EYS: variants seen among roughly 807,000 people sequenced by gnomAD.
EYS encodes the protein protein eyes shut homolog.
In EYS, 250 loss-of-function variants were observed where a neutral mutation model predicts 282.1. That is an observed-to-expected ratio of 0.89 (90% CI 0.80 to 0.98). The LOEUF (loss-of-function observed/expected upper bound fraction) is 0.98. Among genes scored for constraint, EYS ranks in the 50% least tolerant of loss-of-function variants. The pLI is 0.00. For synonymous variants in EYS, 1,355 were observed against 1,282.9 expected, an observed-to-expected ratio of 1.06 and a Z score of -1.20; for missense variants, 4,016 against 3,709.0, an observed-to-expected ratio of 1.08 and a Z score of -2.15.
At chr6:65,389,336 T>TG (rs1765920614) in intron 7 of EYS, among the ~76,000 whole-genome samples, 1 of 152,152 alleles carries the variant, frequency 6.6e-6, no homozygotes, top group Non-Finnish European at 1.5e-5. Flanking sequence ...ACTGGACTCA[T>TG]GCATGGATAG....
intron 29 of EYS, among the ~76,000 whole-genome samples, chr6:64,346,453 C>CA (rs1185726830): frequency 1.3e-5 from 2 of 150,772 alleles, no homozygotes; most frequent in Admixed American, 1.3e-4. Context: ...ATCACAAGGA[C>CA]AAAAAACCAA....
intron 28 of EYS, among the ~76,000 whole-genome samples, chr6:64,393,865 T>C (rs1434049973): frequency 6.6e-6 from 1 of 151,960 alleles, no homozygotes; most frequent in South Asian, 2.1e-4. Context: ...GACGACATGA[T>C]TGTATATCTA....
intron 11 of EYS, among the ~76,000 whole-genome samples, chr6:65,314,610 T>TGTGTG (rs1769252097): frequency 7.7e-6 from 1 of 129,770 alleles, no homozygotes. Flanking sequence ...GTGTGTGTGT[T>TGTGTG]TTCCAGCTAA....
At chr6:64,044,452 CG>C (rs1770530243) in intron 33 of EYS, among the ~76,000 whole-genome samples, 1 of 152,208 alleles carries the variant, frequency 6.6e-6, no homozygotes, top group African/African-American at 2.4e-5. Context: ...GGCAAAGAGC[CG>C]GGGAGCACTT....
intron 7 of EYS, among the ~76,000 whole-genome samples, chr6:65,395,651 TA>T (rs1259703301): frequency 1.4e-4 from 21 of 152,166 alleles, no homozygotes; most frequent in Admixed American, 7.9e-4. Flanking sequence ...TTTTCGTCTT[TA>T]TTTTTTTATT....
At chr6:65,471,906 CTAAA>C (rs1413641330) in intron 5 of EYS, among the ~76,000 whole-genome samples, 3 of 151,874 alleles carry the variant, frequency 2.0e-5, no homozygotes, top group African/African-American at 7.2e-5. Flanking sequence ...TATTTAAAAA[CTAAA>C]TATAGAACCT....
At chr6:64,194,257 A>G (rs1765210560) in intron 31 of EYS, among the ~76,000 whole-genome samples, 1 of 151,102 alleles carries the variant, frequency 6.6e-6, no homozygotes, top group Admixed American at 6.6e-5. Flanking sequence ...TATATTCAAG[A>G]AGTCTTGTCT....
chr6:64,620,824 A>G lies in EYS; in HGVS notation c.3569-3291T>C, dbSNP rs1363790295. On this transcript the variant is annotated intron_variant, in intron 23 of 42. Transcript: ENST00000503581. ...AATAGTTTGGTAACTGAAAACAAAAACCAAAAATTGTCATTAGCAATCTAG... is the reference window on the plus strand; with the variant it reads ...AATAGTTTGGTAACTGAAAACAAAAGCCAAAAATTGTCATTAGCAATCTAG... 3.3e-5 allele frequency among the ~76,000 whole-genome samples: 5 copies of G among 152,314 alleles called. No homozygotes were observed. The East Asian group carries it at 7.7e-4, about 24-fold the overall frequency.
At chr6:65,218,586 A>G (rs1305593913) in intron 12 of EYS, among the ~76,000 whole-genome samples, 2 of 152,104 alleles carry the variant, frequency 1.3e-5, no homozygotes, top group East Asian at 1.9e-4. Flanking sequence ...TGAGAAGAGC[A>G]TACTCTGGGT....
chr6:64,752,341 A>G (rs930790949), intron 22 of EYS, among the ~76,000 whole-genome samples: 2 of 152,098 alleles, frequency 1.3e-5, no homozygotes, highest in Non-Finnish European at 2.9e-5. Flanking sequence ...AGAGGAAAAA[A>G]TTATTGAAGG....
rs544756579 is a variant in EYS at position 64,263,124 on chromosome 6, AG to A, written c.6192-32301del. ...TGACATAAGATTGTTACAAGGATAA[AG>A]AAGTAATCTGTATTATTAAAAAAGA... On this transcript the variant is annotated intron_variant, in intron 30 of 42. Transcript: ENST00000503581. 1.9e-3 allele frequency among the ~76,000 whole-genome samples: 291 copies of A among 152,152 alleles called. 1 individual carries two copies. The highest frequency in any genetic ancestry group is 6.4e-3 in the African/African-American group (268 of 41,556).
At chr6:64,966,910 G>A (rs777474179) in intron 14 of EYS, among the ~76,000 whole-genome samples, 7 of 152,118 alleles carry the variant, frequency 4.6e-5, no homozygotes, top group African/African-American at 7.2e-5. Context: ...TGGCCATCAA[G>A]TCTACCCTTT....
At position 64,000,336 on chromosome 6, in the gene EYS, C is replaced by T. The variant is rs1030988819; in HGVS notation, c.6726-1153G>A. Among the ~76,000 whole-genome samples the T allele has an allele frequency of 6.6e-5, 10 of 150,946 alleles. No individual in the cohort carries two copies. The East Asian group carries it at 1.2e-3, about 18-fold the overall frequency. ...CCTCCCGAGTAGCTGGGACTACAGG[C>T]GCCCGCCACCACGCCAGGCTAATTT... On this transcript the variant is annotated intron_variant, in intron 33 of 42. Coordinates refer to ENST00000503581, the MANE Select transcript of EYS (RefSeq NM_001142800.2).
chr6:64,743,863 C>T (rs1191421635), intron 22 of EYS, among the ~76,000 whole-genome samples: 2 of 151,952 alleles, frequency 1.3e-5, no homozygotes, highest in Admixed American at 6.6e-5. Context: ...GAAATGATAC[C>T]AAAGTACTGC....
At chr6:64,339,806 A>T (rs144567037) in intron 29 of EYS, among the ~76,000 whole-genome samples, 4,725 of 151,920 alleles carry the variant, frequency 0.031, 231 homozygotes, top group African/African-American at 0.11. Context: ...CAGGAATGGA[A>T]AACCAAACAT....
chr6:64,482,842 C>G (rs1174088342), intron 26 of EYS, among the ~76,000 whole-genome samples: 3 of 151,638 alleles, frequency 2.0e-5, no homozygotes, highest in Admixed American at 2.0e-4. Flanking sequence ...TATATTTTTT[C>G]TATGTTACTT....
chr6:65,483,573 T>C (rs1446342363), intron 5 of EYS, among the ~76,000 whole-genome samples: 1 of 152,114 alleles, frequency 6.6e-6, no homozygotes, highest in Non-Finnish European at 1.5e-5. Context: ...TCAAATAATA[T>C]ATATTAATAT....
chr6:64,164,022 C>A (rs983389694), intron 31 of EYS, among the ~76,000 whole-genome samples: 1 of 152,052 alleles, frequency 6.6e-6, no homozygotes, highest in African/African-American at 2.4e-5. Flanking sequence ...ATGTGTTACT[C>A]CTAGGTGTTG....
chr6:65,040,191 G>A (rs912599025), intron 13 of EYS, among the ~76,000 whole-genome samples: 5 of 151,762 alleles, frequency 3.3e-5, no homozygotes, highest in African/African-American at 1.2e-4. Flanking sequence ...AAAATGGGTT[G>A]TGAAAACAAC....
Sources: allele counts gnomAD v4.1 joint callset (sites outside exome capture counted in the v4.1 genomes callset), GRCh38; gene constraint gnomAD v4.1.1; transcripts MANE v1.5; gene names NCBI Gene and HGNC (gene_info 2026-07-23, HGNC 2026-07-21).